Variants in FSTL4 observed in about 807,000 individuals in gnomAD.
FSTL4 encodes follistatin-related protein 4.
Under a neutral mutation model 78.2 loss-of-function variants are expected in FSTL4, and 28 were observed. The ratio of observed to expected loss-of-function variants is 0.36; its 90% CI spans 0.27 to 0.49. The LOEUF (loss-of-function observed/expected upper bound fraction) is 0.49. FSTL4 is among the 20% of genes least tolerant of loss of function. FSTL4 has a pLI of 0.98. For missense variants in FSTL4, 922 were observed against 1,084.9 expected, an observed-to-expected ratio of 0.85 and a Z score of 2.11; for synonymous variants, 422 against 440.5, an observed-to-expected ratio of 0.96 and a Z score of 0.53.
intron 3 of FSTL4, among the ~76,000 whole-genome samples, chr5:133,446,206 G>C (rs940936924): frequency 6.6e-6 from 1 of 152,284 alleles, no homozygotes; most frequent in Middle Eastern, 3.4e-3. Flanking sequence ...TTGGGAGGCC[G>C]AGGCAGGCAG....
intron 15 of FSTL4, among the ~76,000 whole-genome samples, chr5:133,200,218 TAAGAA>T (rs2099269486): frequency 6.6e-6 from 1 of 152,212 alleles, no homozygotes; most frequent in South Asian, 2.1e-4. Flanking sequence ...GTTACAAAGA[TAAGAA>T]AAGAGTTCTA....
At chr5:133,696,348 A>G in the FSTL4 span, among the ~76,000 whole-genome samples, 1 of 152,290 alleles carries the variant, frequency 6.6e-6, no homozygotes, top group South Asian at 2.1e-4. Flanking sequence ...CCCTGTGACC[A>G]TCCTCTGGGC....
At chr5:133,243,029 C>T (rs1344306361) in intron 7 of FSTL4, among the ~76,000 whole-genome samples, 1 of 152,160 alleles carries the variant, frequency 6.6e-6, no homozygotes, top group Non-Finnish European at 1.5e-5. Context: ...TAACTCCCTT[C>T]CAAAGAAGAG....
At chr5:133,622,505 A>G in the FSTL4 span, among the ~76,000 whole-genome samples, 1 of 152,202 alleles carries the variant, frequency 6.6e-6, no homozygotes, top group African/African-American at 2.4e-5. Context: ...TAAAAGAACC[A>G]GCAAAATTAT....
intron 6 of FSTL4, among the ~76,000 whole-genome samples, chr5:133,301,808 G>A (rs915745243): frequency 1.3e-5 from 2 of 152,108 alleles, no homozygotes; most frequent in Admixed American, 6.5e-5. Context: ...AGTGGGGCAC[G>A]GGATGGGACT....
chr5:133,346,191 A>G (rs1440141775), intron 4 of FSTL4, among the ~76,000 whole-genome samples: 2 of 152,118 alleles, frequency 1.3e-5, no homozygotes, highest in Non-Finnish European at 2.9e-5. Context: ...GAGTTGAACA[A>G]TGGGAACACA....
chr5:133,579,401 G>C (rs1760354402), intron 2 of FSTL4, among the ~76,000 whole-genome samples: 4 of 152,162 alleles, frequency 2.6e-5, no homozygotes, highest in African/African-American at 9.7e-5. Context: ...CAGAAACACA[G>C]GGACAGCCTG....
At chr5:133,442,434 T>C (rs1017631375) in intron 3 of FSTL4, among the ~76,000 whole-genome samples, 11 of 152,232 alleles carry the variant, frequency 7.2e-5, no homozygotes, top group African/African-American at 2.4e-4. Context: ...GATCCATTTT[T>C]ATTGAGCCTT....
chr5:133,221,911 T>TTTTTTTTTTG (rs1751136669), intron 11 of FSTL4, among the ~76,000 whole-genome samples: 3 of 115,910 alleles, frequency 2.6e-5, no homozygotes, highest in South Asian at 2.5e-4. Context: ...TTTTTTTTTT[T>TTTTTTTTTTG]TTTTTTTTTT....
chr5:133,616,726 C>T (rs13361676), upstream of FSTL4, among the ~76,000 whole-genome samples: 1 of 151,834 alleles, frequency 6.6e-6, no homozygotes, highest in Admixed American at 6.6e-5. Flanking sequence ...TCTAAATAAA[C>T]GTTCCTTTCA....
intron 4 of FSTL4, among the ~76,000 whole-genome samples, chr5:133,377,118 C>T (rs1385197128): frequency 6.6e-6 from 1 of 152,150 alleles, no homozygotes; most frequent in Non-Finnish European, 1.5e-5. Flanking sequence ...CTGCCAGCTC[C>T]AGGCTGTGGA....
chr5:133,502,403 G>A (rs1758517863), intron 3 of FSTL4, among the ~76,000 whole-genome samples: 1 of 152,192 alleles, frequency 6.6e-6, no homozygotes, highest in Non-Finnish European at 1.5e-5. Context: ...TGACTTTTAG[G>A]AGCAGAGAGC....
intron 3 of FSTL4, among the ~76,000 whole-genome samples, chr5:133,498,152 A>T (rs1296831737): frequency 1.3e-5 from 2 of 152,144 alleles, no homozygotes; most frequent in Non-Finnish European, 2.9e-5. Context: ...CTTCCAGATA[A>T]ATCCTCAGGT....
the FSTL4 span, among the ~76,000 whole-genome samples, chr5:133,739,800 G>A: frequency 1.3e-5 from 2 of 152,082 alleles, no homozygotes; most frequent in Admixed American, 1.3e-4. Context: ...CTGCACAAAT[G>A]AAGAAACTCA....
Position 133,426,185 on chromosome 5 carries a change from GCA to G in FSTL4, c.161-25201_161-25200del, listed in dbSNP as rs2126991748. 6.6e-6 allele frequency among the ~76,000 whole-genome samples: 1 copy of G among 152,326 alleles called. No individual in the cohort carries two copies. Among genetic ancestry groups the G allele is most frequent in the Admixed American group, 6.5e-5 (1 of 15,308 alleles). On this transcript the variant is annotated intron_variant, in intron 3 of 15. Transcript: ENST00000265342. This position sits in a 1 kb window ranked among gnomAD's most constrained non-coding sequence, Gnocchi z 5.0. ...TCTTTCCCAGTTAGGAATTTTTAAA[GCA>G]CAGAGTGTGCTAGCAGAAGACAGAG...
intron 3 of FSTL4, among the ~76,000 whole-genome samples, chr5:133,505,788 T>G (rs922317152): frequency 1.3e-5 from 2 of 152,234 alleles, no homozygotes; most frequent in Admixed American, 6.5e-5. Flanking sequence ...AACGGAAGGT[T>G]GTTTATAACG....
chr5:133,753,475 T>C, the FSTL4 span, among the ~76,000 whole-genome samples: 33,313 of 152,062 alleles, frequency 0.22, 3,840 homozygotes, highest in East Asian at 0.42. Flanking sequence ...ATTGCCTGGT[T>C]CCCCCATCAA....
chr5:133,369,787 G>C (rs144002324), intron 4 of FSTL4, among the ~76,000 whole-genome samples: 2 of 152,316 alleles, frequency 1.3e-5, no homozygotes, highest in Non-Finnish European at 2.9e-5. Flanking sequence ...GATTTACTGG[G>C]TGGGTTCTGT....
At chr5:133,743,981 C>T in the FSTL4 span, among the ~76,000 whole-genome samples, 1 of 152,218 alleles carries the variant, frequency 6.6e-6, no homozygotes, top group Non-Finnish European at 1.5e-5. Flanking sequence ...GAGGAAGAAG[C>T]CCACGGCCCT....
Sources: allele counts gnomAD v4.1 joint callset (sites outside exome capture counted in the v4.1 genomes callset), GRCh38; gene constraint gnomAD v4.1.1; non-coding constraint Gnocchi (gnomAD v3.1); transcripts MANE v1.5; gene names NCBI Gene and HGNC (gene_info 2026-07-23, HGNC 2026-07-21).